Variants in SNX25 observed in about 807,000 individuals in gnomAD.
The protein encoded by SNX25 is sorting nexin 25, also known as sorting nexin-25.
SNX25 carries 62 observed loss-of-function variants against 113.7 expected under a neutral mutation model. The observed-to-expected ratio is 0.55, with a 90% CI of 0.44 to 0.67. The LOEUF (loss-of-function observed/expected upper bound fraction) is 0.67. Among genes scored for constraint, SNX25 ranks in the 30% least tolerant of loss-of-function variants. The probability of loss-of-function intolerance (pLI) is 0.00; values close to 1 mark genes in which losing one functional copy is unlikely to be tolerated. For missense variants in SNX25, 1,014 were observed against 1,161.0 expected (o/e 0.87, Z 1.84); for synonymous variants, 421 against 436.2 (o/e 0.97, Z 0.43).
intron 2 of SNX25, among the ~76,000 whole-genome samples, chr4:185,248,679 A>G (rs1487586241): frequency 1.3e-5 from 2 of 152,214 alleles, no homozygotes; most frequent in East Asian, 3.8e-4. Context: ...ATTTATTCTT[A>G]ATTGCTTTTA....
chr4:185,286,845 G>A (rs1751415718), intron 5 of SNX25, among the ~76,000 whole-genome samples: 1 of 152,156 alleles, frequency 6.6e-6, no homozygotes, highest in African/African-American at 2.4e-5. Context: ...AAAAAATAAG[G>A]TGCAAATTTG....
chr4:185,259,057 A>G lies in SNX25; in HGVS notation c.724A>G (p.Asn242Asp). 1.2e-6 allele frequency: 2 copies of G among 1,614,028 alleles called. No individual in the cohort carries two copies. The highest frequency in any genetic ancestry group is 1.7e-6 in the Non-Finnish European group (2 of 1,179,916). ...LTHFCDLKAA[N>D]ARHEEQPRPF... ...TCATTTCTGTGACCTGAAAGCTGCCAATGCCAGGTAACTGTTCTAAGCAAC... is the reference window on the plus strand; with the variant it reads ...TCATTTCTGTGACCTGAAAGCTGCCGATGCCAGGTAACTGTTCTAAGCAAC... Residue 242 changes from asparagine (N) to aspartate (D), a missense_variant, in exon 3 of 19, where the codon AAT (asparagine) becomes GAT (aspartate). Physicochemically the swap from Asn to Asp is conservative, Grantham distance 23 (BLOSUM62 1). Coordinates refer to ENST00000652585, the MANE Select transcript of SNX25 (RefSeq NM_001378034.2).
intron 5 of SNX25, 40 bp from the exon 6 acceptor site, chr4:185,287,972 T>G: frequency 6.7e-7 from 1 of 1,500,234 alleles, no homozygotes; most frequent in South Asian, 1.2e-5. Flanking sequence ...TAGTATTTTC[T>G]TCCTCTTAAA....
chr4:185,207,089 T>C (rs935098028), upstream of SNX25, among the ~76,000 whole-genome samples: 1 of 152,044 alleles, frequency 6.6e-6, no homozygotes, highest in Non-Finnish European at 1.5e-5. Context: ...GGGTGGATCT[T>C]CCCTACTCAA....
In SNX25 at chr4:185,342,102, C is replaced by T. The variant is rs1249190462; in HGVS notation, c.2173C>T (p.Arg725Trp). Residue 725 changes from arginine to tryptophan, a missense_variant, in exon 12 of 19, where the codon CGG (arginine) becomes TGG (tryptophan). Physicochemically the swap from Arg to Trp is moderately radical, Grantham distance 101 (BLOSUM62 -3). Transcript: ENST00000652585. ...RRLSEFQNLH[R>W]KLSECVPSLK... Reference sequence around the variant, plus strand: ...GCTCAGCGAGTTTCAGAATTTACACCGGAAACTCAGTGAGGTATGAATACT... The same window carrying T: ...GCTCAGCGAGTTTCAGAATTTACACTGGAAACTCAGTGAGGTATGAATACT... The T allele has an allele frequency of 1.0e-5, 16 of 1,598,624 alleles. No individual in the cohort carries two copies. The highest frequency in any genetic ancestry group is 3.3e-4 in the Middle Eastern group (2 of 6,020).
chr4:185,214,524 G>T (rs1332663453), intron 1 of SNX25, among the ~76,000 whole-genome samples: 1 of 151,996 alleles, frequency 6.6e-6, no homozygotes, highest in East Asian at 1.9e-4. Context: ...AGTGAGCCAT[G>T]ATCACACCGC....
Position 185,362,660 on chromosome 4 carries a change from A to G in SNX25, c.2883A>G (p.Ile961Met), listed in dbSNP as rs772402771. 3 of 1,614,134 alleles carry G rather than the reference A, an allele frequency of 1.9e-6. No individual in the cohort carries two copies. The South Asian group carries it at 3.3e-5, about 18-fold the overall frequency. ...VGQQNARHGI[I>M]KIFNALQETR... ...AGCAAAATGCCCGCCACGGTATAAT[A>G]AAAATATTCAATGCACTGCAAGAAA... The change falls in exon 18 of 19, where the codon ATA (isoleucine) becomes ATG (methionine). Residue 961 changes from isoleucine to methionine, a missense_variant. Ile to Met is a conservative substitution (Grantham distance 10). Transcript: ENST00000652585.
chr4:185,349,090 C>T (rs113500530), intron 13 of SNX25, among the ~76,000 whole-genome samples: 5 of 152,192 alleles, frequency 3.3e-5, no homozygotes, highest in South Asian at 2.1e-4. Flanking sequence ...GGGGTTCGAT[C>T]TTTTGGCTTC....
upstream of SNX25, among the ~76,000 whole-genome samples, chr4:185,205,944 C>T (rs1294590242): frequency 6.6e-6 from 1 of 152,158 alleles, no homozygotes; most frequent in African/African-American, 2.4e-5. Flanking sequence ...CTCAACACCA[C>T]TAATTAGGGA....
At position 185,288,066 on chromosome 4, in the gene SNX25, A is replaced by C. The variant is rs748481370; in HGVS notation, c.1146A>C (p.Gln382His). 6.2e-7 allele frequency: 1 copy of C among 1,613,404 alleles called. No individual in the cohort carries two copies. The highest frequency in any genetic ancestry group is 8.5e-7 in the Non-Finnish European group (1 of 1,179,710). The change falls in exon 6 of 19, where the codon CAA (glutamine) becomes CAC (histidine). Residue 382 changes from glutamine to histidine, a missense_variant. Physicochemically the swap from Gln to His is conservative, Grantham distance 24. Transcript: ENST00000652585. ...CGACTACAATTAGCAGCTTTCCCCA[A>C]CTGAAGAGGCACAAAGGTAAGAGCC... ...IQATTISSFP[Q>H]LKRHKGKETA... is the part of the protein sequence containing the mutation.
chr4:185,274,165 A>T (rs1749331373), intron 5 of SNX25, among the ~76,000 whole-genome samples: 1 of 151,412 alleles, frequency 6.6e-6, no homozygotes, highest in Non-Finnish European at 1.5e-5. Flanking sequence ...GGTTCAAACG[A>T]TTCTTCTGCC....
intron 5 of SNX25, among the ~76,000 whole-genome samples, chr4:185,283,352 G>A (rs1258718303): frequency 1.3e-5 from 2 of 152,204 alleles, no homozygotes; most frequent in Non-Finnish European, 2.9e-5. Flanking sequence ...TTTAATAAGA[G>A]TTAACAGGAT....
downstream of SNX25, chr4:185,365,267 T>C (rs886817017): frequency 7.2e-5 from 11 of 152,212 alleles, no homozygotes; most frequent in Admixed American, 2.0e-4. Context: ...ACGTCAAAGT[T>C]TATGATTTCT....
intron 16 of SNX25, among the ~76,000 whole-genome samples, chr4:185,359,570 G>T (rs139250865): frequency 6.6e-6 from 1 of 152,040 alleles, no homozygotes; most frequent in South Asian, 2.1e-4. Context: ...GGAGCAGGTG[G>T]ATCACTTGAT....
intron 1 of SNX25, among the ~76,000 whole-genome samples, chr4:185,240,400 C>T (rs1239482534): frequency 6.8e-6 from 1 of 147,882 alleles, no homozygotes; most frequent in African/African-American, 2.5e-5. Context: ...GGGGGGCTGA[C>T]CCCCCCACCT....
At chr4:185,373,547 T>A (rs2095423221), downstream of SNX25, among the ~76,000 whole-genome samples, 2 of 152,208 alleles carry the variant, frequency 1.3e-5, no homozygotes, top group Admixed American at 6.5e-5. Flanking sequence ...CACATTTGCC[T>A]CATACTCTGC....
downstream of SNX25, chr4:185,371,016 A>T (rs1370636198): frequency 3.9e-6 from 2 of 516,908 alleles, no homozygotes; most frequent in Non-Finnish European, 6.9e-6. Context: ...GTGACTTCAC[A>T]TGTCTCTGTA....
At chr4:185,248,913 G>A (rs1229237112) in intron 2 of SNX25, among the ~76,000 whole-genome samples, 1 of 152,126 alleles carries the variant, frequency 6.6e-6, no homozygotes, top group African/African-American at 2.4e-5. Context: ...CATACAGTGT[G>A]TATTCTTTTA....
intron 3 of SNX25, among the ~76,000 whole-genome samples, chr4:185,261,892 A>G (rs1385308264): frequency 2.0e-5 from 3 of 152,222 alleles, no homozygotes; most frequent in Non-Finnish European, 4.4e-5. Context: ...GGTCACTGGC[A>G]TTTTTCATAT....
Sources: allele counts gnomAD v4.1 joint callset (sites outside exome capture counted in the v4.1 genomes callset), GRCh38; gene constraint gnomAD v4.1.1; transcripts MANE v1.5; gene names NCBI Gene and HGNC (gene_info 2026-07-23, HGNC 2026-07-21).